FAM83E: variants seen among roughly 807,000 people sequenced by gnomAD.
FAM83E encodes protein FAM83E.
In FAM83E, 29 loss-of-function variants were observed where a neutral mutation model predicts 34.3. The ratio of observed to expected loss-of-function variants is 0.85; its 90% CI spans 0.63 to 1.15. FAM83E has a LOEUF of 1.15. FAM83E is among the 50% of genes most tolerant of loss of function. The probability of loss-of-function intolerance (pLI) is 0.00; values close to 1 mark genes in which losing one functional copy is unlikely to be tolerated. For missense variants in FAM83E, 697 were observed against 685.0 expected, an observed-to-expected ratio of 1.02 and a Z score of -0.20; for synonymous variants, 312 against 311.6, an observed-to-expected ratio of 1.00 and a Z score of -0.01.
In FAM83E at chr19:48,601,371, T is replaced by A. The variant is rs775452724; in HGVS notation, c.1177-2A>T. The A allele has an allele frequency of 3.8e-6, 6 of 1,560,794 alleles. No individual in the cohort carries two copies. The highest frequency in any genetic ancestry group is 5.2e-6 in the Non-Finnish European group (6 of 1,151,956). ...CTTGGAGCCCCAGGATTTCTTGAGCTGTGGAGGGAAAGAGAGGGAGGTGAG... is the reference window on the plus strand; with the variant it reads ...CTTGGAGCCCCAGGATTTCTTGAGCAGTGGAGGGAAAGAGAGGGAGGTGAG... On this transcript the variant is annotated splice_acceptor_variant, in intron 6 of 6. Coordinates refer to ENST00000263266, the MANE Select transcript of FAM83E (RefSeq NM_017708.4). LOFTEE classifies it high-confidence loss of function.
intron 6 of FAM83E, among the ~76,000 whole-genome samples, chr19:48,602,732 T>G (rs1243466750): frequency 9.9e-6 from 1 of 100,684 alleles, no homozygotes; most frequent in Non-Finnish European, 1.9e-5. Flanking sequence ...TATATATATA[T>G]ATATATATAT....
rs545664176 is a variant in FAM83E, at chr19:48,608,449, T to A, written c.758+1427A>T. On this transcript the variant is annotated intron_variant, in intron 5 of 6. Coordinates refer to ENST00000263266, the MANE Select transcript of FAM83E (RefSeq NM_017708.4). ...TCTTTTTCTTTTCCTTTTTTTTTTT[T>A]TTTTTTATTTTTTGAGACAGAGTCT... Among the ~76,000 whole-genome samples, 12 of 146,756 alleles carry A rather than the reference T, an allele frequency of 8.2e-5. No homozygotes were observed. In the South Asian group the frequency reaches 1.5e-3, roughly 19 times the overall value.
Position 48,600,819 on chromosome 19 carries a change from TTTG to T in FAM83E, c.*287_*289del. 1 of 333,174 alleles carries T rather than the reference TTTG, an allele frequency of 3.0e-6. No homozygotes were observed. The highest frequency in any genetic ancestry group is 5.1e-6 in the Non-Finnish European group (1 of 195,906). 20.6% of individuals were successfully genotyped at this position (333,174 alleles called of 1,614,324 possible). A position where few individuals can be genotyped will look rare whatever the true frequency, so the allele number is the denominator to read the frequency against. On this transcript the variant is annotated 3_prime_UTR_variant, in exon 7 of 7. Transcript: ENST00000263266. ...GGCGTGCGCCACCACACCCAACTAA[TTTG>T]TTTTTTTAATTGTAGAGATGGGGTC...
At chr19:48,605,816 G>T (rs1054720928) in intron 5 of FAM83E, among the ~76,000 whole-genome samples, 2 of 152,032 alleles carry the variant, frequency 1.3e-5, no homozygotes, top group African/African-American at 2.4e-5. Flanking sequence ...CTCCCAAAGT[G>T]CTGGGATTAC....
At chr19:48,611,147 T>TG (rs1470350773) in intron 3 of FAM83E, among the ~76,000 whole-genome samples, 28 of 140,756 alleles carry the variant, frequency 2.0e-4, no homozygotes, top group Admixed American at 7.4e-4. Flanking sequence ...TTTTTTGTGT[T>TG]TTTGTTGTTG....
chr19:48,604,610 G>A (rs1460015424), intron 5 of FAM83E, among the ~76,000 whole-genome samples: 3 of 150,636 alleles, frequency 2.0e-5, no homozygotes, highest in Non-Finnish European at 4.4e-5. Context: ...GGGATTACAG[G>A]TGTGAGCCAC....
In FAM83E at chr19:48,615,015, T is replaced by TC. The variant is rs1433936034; in HGVS notation, c.-1467dup. Among the ~76,000 whole-genome samples the TC allele has an allele frequency of 2.0e-5, 3 of 152,006 alleles. No individual in the cohort carries two copies. Among genetic ancestry groups the TC allele is most frequent in the Non-Finnish European group, 4.4e-5 (3 of 67,972 alleles). On this transcript the variant is annotated 5_prime_UTR_variant, in exon 1 of 7. Transcript: ENST00000263266. ...GGGGGGTTGAGATTGCCTCACCTGTTCCCAGGCAGTCTCTCCCTCCCCACA... is the reference window on the plus strand; with the variant it reads ...GGGGGGTTGAGATTGCCTCACCTGTTCCCCAGGCAGTCTCTCCCTCCCCACA...
At chr19:48,601,889 A>C (rs1354871609) in intron 6 of FAM83E, among the ~76,000 whole-genome samples, 2 of 149,492 alleles carry the variant, frequency 1.3e-5, no homozygotes, top group Non-Finnish European at 3.0e-5. Flanking sequence ...GGCTCACACC[A>C]GTAATCCCAG....
intron 3 of FAM83E, among the ~76,000 whole-genome samples, chr19:48,611,174 T>TG (rs200292204): frequency 3.3e-4 from 47 of 141,226 alleles, no homozygotes; most frequent in South Asian, 6.8e-4. Flanking sequence ...TTTTTTGTTG[T>TG]TTTTTTTTTT....
chr19:48,612,840 C>T (rs955979528), intron 3 of FAM83E, 68 bp downstream of exon 3: 1 of 1,461,378 alleles, frequency 6.8e-7, no homozygotes, highest in Admixed American at 2.4e-5. Context: ...CCCAGGAGGA[C>T]AAGGGAGAGA....
intron 3 of FAM83E, among the ~76,000 whole-genome samples, chr19:48,611,970 G>A (rs1974049523): frequency 6.6e-6 from 1 of 152,144 alleles, no homozygotes; most frequent in South Asian, 2.1e-4. Flanking sequence ...GCGAACTTGG[G>A]GGACACGGAG....
At chr19:48,602,774 A>C (rs1168236965) in intron 6 of FAM83E, among the ~76,000 whole-genome samples, 4 of 122,174 alleles carry the variant, frequency 3.3e-5, no homozygotes, top group African/African-American at 1.3e-4. Flanking sequence ...GCCTGGGATG[A>C]GGATGTCACA....
intron 3 of FAM83E, among the ~76,000 whole-genome samples, chr19:48,612,622 T>C (rs930112462): frequency 1.6e-4 from 25 of 151,848 alleles, no homozygotes; most frequent in Non-Finnish European, 3.4e-4. Context: ...CAGGCTGGTC[T>C]CAAACTCCTG....
Position 48,601,011 on chromosome 19 carries a change from C to T in FAM83E, c.*98G>A. 1 of 1,489,712 alleles carries T rather than the reference C, an allele frequency of 6.7e-7. No homozygotes were observed. Among genetic ancestry groups the T allele is most frequent in the Non-Finnish European group, 8.9e-7 (1 of 1,125,858 alleles). The allele number at this position is 1,489,712 out of a possible 1,614,324, so 92.3% of individuals were successfully genotyped here. A position where few individuals can be genotyped will look rare whatever the true frequency, so the allele number is the denominator to read the frequency against. On this transcript the variant is annotated 3_prime_UTR_variant, in exon 7 of 7. Transcript: ENST00000263266. ...GCTTGACAGACGCCGAGGCCAGAAG[C>T]CTTGTCCAAGGCAGGGCATTGAGGC...
chr19:48,613,531 C>T lies in FAM83E; in HGVS notation c.-159G>A. ...GGCCCTGCAGATGTCCAAATGGCTC[C>T]CTGCAGCAGCCCCTGCCACACTGTT... On this transcript the variant is annotated 5_prime_UTR_variant, in exon 3 of 7. Coordinates refer to ENST00000263266, the MANE Select transcript of FAM83E (RefSeq NM_017708.4). 7.0e-7 allele frequency: 1 copy of T among 1,425,460 alleles called. No homozygotes were observed. Among genetic ancestry groups the T allele is most frequent in the South Asian group, 1.6e-5 (1 of 64,388 alleles). The allele number at this position is 1,425,460 out of a possible 1,614,324, so 88.3% of individuals were successfully genotyped here. A position where few individuals can be genotyped will look rare whatever the true frequency, so the allele number is the denominator to read the frequency against.
Position 48,609,858 on chromosome 19 carries a change from G to A in FAM83E, c.758+18C>T, listed in dbSNP as rs1481867983. On this transcript the variant is annotated intron_variant, in intron 5 of 6. Transcript: ENST00000263266. ...GGTATAGGACGCCGGGAGGTGGGGG[G>A]CGGGGCGGGGGCTACACCTGTAGGA... 3 of 1,606,130 alleles carry A rather than the reference G, an allele frequency of 1.9e-6. No individual in the cohort carries two copies. Among genetic ancestry groups the A allele is most frequent in the African/African-American group, 1.3e-5 (1 of 74,660 alleles).
rs1973869345 is a variant in FAM83E, at chr19:48,603,568, C to T, written c.1102G>A (p.Ala368Thr). 7.1e-6 allele frequency: 11 copies of T among 1,556,360 alleles called. No homozygotes were observed. The highest frequency in any genetic ancestry group is 8.6e-6 in the Non-Finnish European group (10 of 1,160,392). Residue 368 changes from alanine to threonine, a missense_variant, in exon 6 of 7, where the codon GCC becomes ACC. Ala to Thr is a moderately conservative substitution (Grantham distance 58). Coordinates refer to ENST00000263266, the MANE Select transcript of FAM83E (RefSeq NM_017708.4). ...QRARTPSGPP[A>T]RPSRSMWDLS... Reference sequence around the variant, plus strand: ...TCCCACATGGAGCGGCTGGGCCGGGCCGGGGGGCCGCTGGGGGTCCGGGCG... The same window carrying T: ...TCCCACATGGAGCGGCTGGGCCGGGTCGGGGGGCCGCTGGGGGTCCGGGCG...
chr19:48,605,818 T>G (rs1227772055), intron 5 of FAM83E, among the ~76,000 whole-genome samples: 1 of 151,826 alleles, frequency 6.6e-6, no homozygotes, highest in Non-Finnish European at 1.5e-5. Context: ...CCCAAAGTGC[T>G]GGGATTACAG....
intron 5 of FAM83E, chr19:48,606,619 C>T (rs1973932837): frequency 3.6e-6 from 1 of 277,790 alleles, no homozygotes; most frequent in Non-Finnish European, 6.9e-6. Context: ...TGGCAGAGCC[C>T]TCTTGCGCCC....
Sources: allele counts gnomAD v4.1 joint callset (sites outside exome capture counted in the v4.1 genomes callset), GRCh38; gene constraint gnomAD v4.1.1; transcripts MANE v1.5; gene names NCBI Gene and HGNC (gene_info 2026-07-23, HGNC 2026-07-21).